The following HIVEP3 variants were observed in gnomAD, a reference collection of about 807,000 sequenced individuals.
The protein encoded by HIVEP3 is HIVEP zinc finger 3.
HIVEP3 carries 49 observed loss-of-function variants against 152.8 expected under a neutral mutation model. That is an observed-to-expected ratio of 0.32 (90% CI 0.26 to 0.41). The LOEUF (loss-of-function observed/expected upper bound fraction) is 0.41, where lower values mean the gene tolerates loss of function less well. HIVEP3 is among the 10% of genes least tolerant of loss of function. The pLI, the probability that HIVEP3 is intolerant of heterozygous loss-of-function variation, is 1.00. For synonymous variants in HIVEP3, 1,269 were observed against 1,289.0 expected (o/e 0.98, Z 0.33); for missense variants, 2,790 against 3,103.3 (o/e 0.90, Z 2.40).
At chr1:41,567,046 A>G (rs910594742) in intron 5 of HIVEP3, among the ~76,000 whole-genome samples, 4 of 152,122 alleles carry the variant, frequency 2.6e-5, no homozygotes, top group African/African-American at 9.7e-5. Flanking sequence ...GTCTCCCTGA[A>G]CATCTCCACT....
chr1:41,984,833 C>A (rs1248630571), intron 1 of HIVEP3, among the ~76,000 whole-genome samples: 1 of 152,144 alleles, frequency 6.6e-6, no homozygotes, highest in Non-Finnish European at 1.5e-5. Context: ...CCCAGCTGGG[C>A]CCACAGAACA....
chr1:41,884,714 G>T (rs971914611), intron 1 of HIVEP3, among the ~76,000 whole-genome samples: 1 of 152,228 alleles, frequency 6.6e-6, no homozygotes, highest in Non-Finnish European at 1.5e-5. Flanking sequence ...AGCTTGTGCT[G>T]GGTTCTAACA....
chr1:41,608,082 A>G (rs1451251493), intron 3 of HIVEP3, among the ~76,000 whole-genome samples: 4 of 152,206 alleles, frequency 2.6e-5, no homozygotes, highest in African/African-American at 9.7e-5. Flanking sequence ...TCACTACAGA[A>G]GAAGAGAAAA....
intron 1 of HIVEP3, among the ~76,000 whole-genome samples, chr1:41,838,816 T>C (rs1209687661): frequency 1.3e-5 from 2 of 152,034 alleles, no homozygotes; most frequent in African/African-American, 4.8e-5. Context: ...CTAGGAAGGG[T>C]AATATGCACA....
intron 5 of HIVEP3, among the ~76,000 whole-genome samples, chr1:41,532,005 T>G (rs1437551452): frequency 2.3e-5 from 2 of 87,988 alleles, no homozygotes; most frequent in African/African-American, 4.7e-5. Flanking sequence ...ACAGGGGAGA[T>G]GGAGGACAGG....
chr1:41,871,518 A>T (rs776800013), intron 1 of HIVEP3, among the ~76,000 whole-genome samples: 4 of 152,218 alleles, frequency 2.6e-5, no homozygotes, highest in Non-Finnish European at 4.4e-5. Context: ...AACTGAAATT[A>T]ATTATACACA....
intron 1 of HIVEP3, among the ~76,000 whole-genome samples, chr1:41,802,272 G>C (rs1324302958): frequency 6.6e-6 from 1 of 152,188 alleles, no homozygotes; most frequent in Non-Finnish European, 1.5e-5. Flanking sequence ...CTGGTGTGCA[G>C]TGGCGCCATC....
intron 1 of HIVEP3, among the ~76,000 whole-genome samples, chr1:41,742,036 C>T (rs935443500): frequency 3.9e-5 from 6 of 152,204 alleles, no homozygotes; most frequent in Admixed American, 3.9e-4. Context: ...AGAATTGATT[C>T]TGACTTGTAG....
chr1:41,645,788 G>A (rs1183159392), intron 2 of HIVEP3, among the ~76,000 whole-genome samples: 4 of 152,192 alleles, frequency 2.6e-5, no homozygotes, highest in Admixed American at 6.5e-5. Context: ...CAGTTTGAAA[G>A]AGAGTGAACC....
chr1:41,512,832 G>T lies in HIVEP3; in HGVS notation c.6389C>A (p.Thr2130Asn). 2 of 1,515,062 alleles carry T rather than the reference G, an allele frequency of 1.3e-6. No individual in the cohort carries two copies. 93.9% of individuals were successfully genotyped at this position (1,515,062 alleles called of 1,614,324 possible). Residue 2130 changes from threonine (T) to asparagine (N), a missense_variant, in exon 8 of 9, where the codon ACC becomes AAC. By Grantham distance (65) the Thr-to-Asn change is moderately conservative. Transcript: ENST00000372583. ...PHKLLSRSPE[T>N]CASPWQKAES... ...GGAACTCACCCACGGGGAGGCGCAG[G>T]TCTCTGGGCTTCTGCTGAGGAGCTT... is the stretch of plus-strand genomic sequence containing the variant.
At chr1:41,771,531 AC>A (rs1648369817) in intron 1 of HIVEP3, among the ~76,000 whole-genome samples, 1 of 151,448 alleles carries the variant, frequency 6.6e-6, no homozygotes, top group African/African-American at 2.4e-5. Flanking sequence ...CCGCGTGTCT[AC>A]CCCTCCTTGC....
chr1:41,795,271 G>A (rs1278693816), intron 1 of HIVEP3, among the ~76,000 whole-genome samples: 3 of 152,104 alleles, frequency 2.0e-5, no homozygotes, highest in Non-Finnish European at 4.4e-5. Context: ...AAGAGTCCTG[G>A]TACAGTATTT....
intron 1 of HIVEP3, among the ~76,000 whole-genome samples, chr1:41,857,650 T>G (rs966091511): frequency 1.1e-4 from 17 of 152,290 alleles, no homozygotes; most frequent in African/African-American, 3.8e-4. Flanking sequence ...CAATTTTGTT[T>G]CATTTTCACA....
chr1:41,656,312 G>A (rs976802535), intron 2 of HIVEP3, among the ~76,000 whole-genome samples: 8 of 152,236 alleles, frequency 5.3e-5, no homozygotes, highest in African/African-American at 1.9e-4. Context: ...AAGAAACCCA[G>A]GGGATCCCTC....
In HIVEP3 at chr1:41,580,505, G is replaced by C. The variant is rs753392903; in HGVS notation, c.4293C>G (p.Val1431=). ...SSSTAGGSKR[V]LSPAGSLELT... ...GTTCAAGGCTGCCAGCTGGTGAAAG[G>C]ACACGTTTGCTTCCCCCTGCTGTTG... The change falls in exon 4 of 9, where the codon GTC becomes GTG. Residue 1431 remains valine (V), a synonymous_variant. Transcript: ENST00000372583. The C allele has an allele frequency of 6.2e-7, 1 of 1,614,210 alleles. No homozygotes were observed.
intron 1 of HIVEP3, among the ~76,000 whole-genome samples, chr1:41,891,689 C>T (rs912785900): frequency 6.6e-6 from 1 of 152,230 alleles, no homozygotes; most frequent in African/African-American, 2.4e-5. Flanking sequence ...TCCTTGGTAA[C>T]TCACTTTCTC....
At chr1:41,570,735 A>G (rs1048111280) in intron 5 of HIVEP3, among the ~76,000 whole-genome samples, 5 of 152,164 alleles carry the variant, frequency 3.3e-5, no homozygotes, top group African/African-American at 1.2e-4. Context: ...AAAGAATAGA[A>G]GTGAGAACTG....
At chr1:41,565,557 G>C (rs74226323) in intron 5 of HIVEP3, among the ~76,000 whole-genome samples, 5,878 of 74,918 alleles carry the variant, frequency 0.078, 139 homozygotes, top group Middle Eastern at 0.13. Flanking sequence ...CACACACACA[G>C]AGAGAGAGAG....
intron 1 of HIVEP3, among the ~76,000 whole-genome samples, chr1:41,905,511 T>A (rs1182145981): frequency 6.6e-6 from 1 of 152,202 alleles, no homozygotes; most frequent in African/African-American, 2.4e-5. Context: ...GTATTCCCTA[T>A]AGGCCCAGCA....
Sources: gnomAD v4.1 joint callset for allele counts (sites outside exome capture counted in the v4.1 genomes callset) on GRCh38, gnomAD v4.1.1 for gene constraint, MANE v1.5 for transcripts, NCBI Gene and HGNC (gene_info 2026-07-23, HGNC 2026-07-21) for gene names.